Variants in CACNA2D3 observed in about 807,000 individuals in gnomAD.
CACNA2D3 encodes voltage-dependent calcium channel subunit alpha-2/delta-3.
A neutral mutation model predicts 160.6 loss-of-function variants in CACNA2D3; 60 were observed. The ratio of observed to expected loss-of-function variants is 0.37; its 90% CI spans 0.30 to 0.46. CACNA2D3 has a LOEUF of 0.46. CACNA2D3 is among the 20% of genes least tolerant of loss of function. The pLI, the probability that CACNA2D3 is intolerant of heterozygous loss-of-function variation, is 1.00. For synonymous variants in CACNA2D3, 558 were observed against 492.9 expected (o/e 1.13, Z -1.75); for missense variants, 1,205 against 1,365.0 (o/e 0.88, Z 1.85).
At chr3:55,041,700 T>G (rs906597013) in intron 35 of CACNA2D3, among the ~76,000 whole-genome samples, 1 of 152,102 alleles carries the variant, frequency 6.6e-6, no homozygotes, top group Non-Finnish European at 1.5e-5. Context: ...TGATTTCTTC[T>G]ATTTTCTTTG....
chr3:54,293,731 A>G (rs959870063), intron 2 of CACNA2D3, among the ~76,000 whole-genome samples: 1 of 152,188 alleles, frequency 6.6e-6, no homozygotes, highest in Non-Finnish European at 1.5e-5. Context: ...TTTATATGAC[A>G]TTCTGGAAGA....
At chr3:54,201,639 A>G (rs531905858) in intron 2 of CACNA2D3, among the ~76,000 whole-genome samples, 8 of 152,358 alleles carry the variant, frequency 5.3e-5, no homozygotes, top group African/African-American at 1.9e-4. Flanking sequence ...TAAATTCCAG[A>G]TAGATTAAGA....
chr3:54,947,050 T>G (rs1004908120), intron 27 of CACNA2D3, among the ~76,000 whole-genome samples: 4 of 152,178 alleles, frequency 2.6e-5, no homozygotes, highest in African/African-American at 9.7e-5. Flanking sequence ...TGGAACCCCA[T>G]AATGAAAGTG....
intron 17 of CACNA2D3, among the ~76,000 whole-genome samples, chr3:54,862,405 G>T (rs76891775): frequency 7.2e-6 from 1 of 138,664 alleles, no homozygotes; most frequent in African/African-American, 2.7e-5. Context: ...ACACACACAC[G>T]CACACACACG....
At chr3:54,307,088 G>A (rs1703619720) in intron 2 of CACNA2D3, among the ~76,000 whole-genome samples, 1 of 152,124 alleles carries the variant, frequency 6.6e-6, no homozygotes, top group Non-Finnish European at 1.5e-5. Context: ...CACCTGATAT[G>A]ACCTGTCTGG....
chr3:54,279,845 G>A (rs374288221), intron 2 of CACNA2D3, among the ~76,000 whole-genome samples: 1 of 152,300 alleles, frequency 6.6e-6, no homozygotes, highest in African/African-American at 2.4e-5. Context: ...ACTGTGATCA[G>A]CATAGGACCT....
chr3:54,640,005 A>G (rs1054099357), intron 10 of CACNA2D3: 1 of 153,354 alleles, frequency 6.5e-6, no homozygotes, highest in African/African-American at 2.4e-5. Flanking sequence ...GAGCCAGGAA[A>G]AGGACTTTCA....
intron 6 of CACNA2D3, among the ~76,000 whole-genome samples, chr3:54,566,042 C>A (rs1462639144): frequency 6.6e-6 from 1 of 152,212 alleles, no homozygotes; most frequent in African/African-American, 2.4e-5. Context: ...TCCACCAGAT[C>A]TGTTGTCTCC....
intron 11 of CACNA2D3, among the ~76,000 whole-genome samples, chr3:54,746,008 G>A (rs1701747299): frequency 6.6e-6 from 1 of 152,074 alleles, no homozygotes; most frequent in African/African-American, 2.4e-5. Flanking sequence ...TCAGGGTAGC[G>A]TTACCATGGT....
intron 4 of CACNA2D3, among the ~76,000 whole-genome samples, chr3:54,417,929 G>A (rs948118813): frequency 1.3e-5 from 2 of 151,996 alleles, no homozygotes; most frequent in South Asian, 2.1e-4. Flanking sequence ...TGGGACTATA[G>A]GCATATGCCA....
At chr3:54,839,727 T>C (rs1019540429) in intron 16 of CACNA2D3, among the ~76,000 whole-genome samples, 2 of 152,166 alleles carry the variant, frequency 1.3e-5, no homozygotes, top group Non-Finnish European at 2.9e-5. Flanking sequence ...GAGGGGGACC[T>C]GGGCTTTCCT....
chr3:54,924,563 G>T, intron 27 of CACNA2D3: 5 of 1,384,034 alleles, frequency 3.6e-6, no homozygotes, highest in Non-Finnish European at 5.1e-6. Flanking sequence ...GAACAGATGA[G>T]ATTCATCCTA....
intron 12 of CACNA2D3, among the ~76,000 whole-genome samples, chr3:54,754,353 G>T (rs1405242837): frequency 1.3e-5 from 2 of 152,230 alleles, no homozygotes; most frequent in Admixed American, 1.3e-4. Flanking sequence ...TATCTGGGTA[G>T]ATCTGAGTCA....
At chr3:54,282,943 A>T (rs1702916442) in intron 2 of CACNA2D3, among the ~76,000 whole-genome samples, 6 of 152,202 alleles carry the variant, frequency 3.9e-5, no homozygotes, top group Admixed American at 3.9e-4. Context: ...AGATAATAAA[A>T]GTCTGTTATC....
chr3:54,368,987 C>T (rs9877455), intron 3 of CACNA2D3, among the ~76,000 whole-genome samples: 30,234 of 151,832 alleles, frequency 0.2, 3,219 homozygotes, highest in Middle Eastern at 0.29. Flanking sequence ...AGGTGTGAGC[C>T]ACTGCGTCCG....
chr3:54,507,090 T>G (rs1410434929), intron 5 of CACNA2D3, among the ~76,000 whole-genome samples: 1 of 152,238 alleles, frequency 6.6e-6, no homozygotes, highest in Admixed American at 6.5e-5. Context: ...CATGTGTGTT[T>G]GTAAATATGT....
At chr3:54,729,998 C>CAAAAAAAAAAAAA (rs56364535) in intron 11 of CACNA2D3, among the ~76,000 whole-genome samples, 1 of 109,512 alleles carries the variant, frequency 9.1e-6, no homozygotes. Flanking sequence ...GACTCCATCT[C>CAAAAAAAAAAAAA]AAAAAAAAAA....
chr3:54,165,707 A>G (rs1700442396), intron 2 of CACNA2D3, among the ~76,000 whole-genome samples: 2 of 151,026 alleles, frequency 1.3e-5, no homozygotes, highest in Non-Finnish European at 2.9e-5. Context: ...CCGAGGTGGG[A>G]GGATTGCTCG....
intron 5 of CACNA2D3, among the ~76,000 whole-genome samples, chr3:54,529,555 G>A (rs995100059): frequency 2.6e-5 from 4 of 152,164 alleles, no homozygotes; most frequent in Admixed American, 2.6e-4. Context: ...TTCCTTACCT[G>A]TGAAGTGGGA....
Sources: gnomAD v4.1 joint callset for allele counts (sites outside exome capture counted in the v4.1 genomes callset) on GRCh38, gnomAD v4.1.1 for gene constraint, MANE v1.5 for transcripts, NCBI Gene and HGNC (gene_info 2026-07-23, HGNC 2026-07-21) for gene names.